The following TMEM117 variants were observed in gnomAD, a reference collection of about 807,000 sequenced individuals.
TMEM117 encodes transmembrane protein 117.
A neutral mutation model predicts 52.4 loss-of-function variants in TMEM117; 27 were observed. The observed-to-expected ratio is 0.51, with a 90% confidence interval of 0.38 to 0.71. TMEM117 has a LOEUF of 0.71. TMEM117 is among the 30% of genes least tolerant of loss of function. TMEM117 has a pLI of 0.00. For synonymous variants in TMEM117, 215 were observed against 206.3 expected, an observed-to-expected ratio of 1.04 and a Z score of -0.36; for missense variants, 556 against 630.5, an observed-to-expected ratio of 0.88 and a Z score of 1.26.
intron 3 of TMEM117, among the ~76,000 whole-genome samples, chr12:44,119,674 TAGG>T (rs920208450): frequency 3.3e-5 from 5 of 152,146 alleles, no homozygotes; most frequent in Admixed American, 3.3e-4. Flanking sequence ...GGGCTGTGTG[TAGG>T]AGCTTTAGCC....
At chr12:44,162,366 G>T (rs1456574170) in intron 4 of TMEM117, among the ~76,000 whole-genome samples, 1 of 152,026 alleles carries the variant, frequency 6.6e-6, no homozygotes, top group South Asian at 2.1e-4. Flanking sequence ...ATGCCCTCAG[G>T]GTGCATTTTC....
intron 6 of TMEM117, among the ~76,000 whole-genome samples, chr12:44,303,728 T>C (rs1950870717): frequency 1.3e-5 from 2 of 152,226 alleles, no homozygotes; most frequent in Admixed American, 1.3e-4. Context: ...TCTATTTCTT[T>C]GCATAAGTAT....
At chr12:44,090,356 T>A (rs1336344263) in intron 3 of TMEM117, among the ~76,000 whole-genome samples, 1 of 151,856 alleles carries the variant, frequency 6.6e-6, no homozygotes, top group Non-Finnish European at 1.5e-5. Flanking sequence ...GGTTTATTGT[T>A]CCTGTCTTTG....
chr12:44,022,648 T>TA (rs1318144090), intron 3 of TMEM117, among the ~76,000 whole-genome samples: 4 of 152,164 alleles, frequency 2.6e-5, no homozygotes, highest in Admixed American at 2.6e-4. Flanking sequence ...TATTCAGTTT[T>TA]AAAAAAGCCA....
At chr12:43,802,263 C>G in the TMEM117 span, 4 of 1,468,004 alleles carry the variant, frequency 2.7e-6, no homozygotes, top group Non-Finnish European at 3.6e-6. Context: ...TAATGTTAAA[C>G]AAACTATAAA....
At chr12:44,105,064 C>G (rs892557759) in intron 3 of TMEM117, among the ~76,000 whole-genome samples, 4 of 151,824 alleles carry the variant, frequency 2.6e-5, no homozygotes, top group Non-Finnish European at 5.9e-5. Flanking sequence ...TATATTTCTT[C>G]TGTTCCTTTC....
intron 2 of TMEM117, among the ~76,000 whole-genome samples, chr12:43,869,812 A>G (rs778915866): frequency 3.3e-5 from 5 of 152,164 alleles, no homozygotes; most frequent in Non-Finnish European, 4.4e-5. Flanking sequence ...AGGTTGTTAC[A>G]TTGGTAAATG....
intron 3 of TMEM117, among the ~76,000 whole-genome samples, chr12:43,951,071 C>T (rs888589972): frequency 5.9e-5 from 9 of 152,174 alleles, no homozygotes; most frequent in Admixed American, 2.0e-4. Flanking sequence ...GGGGACCTCC[C>T]TCCCCCAGCC....
intron 6 of TMEM117, among the ~76,000 whole-genome samples, chr12:44,350,427 G>T (rs539380754): frequency 6.6e-6 from 1 of 151,854 alleles, no homozygotes; most frequent in East Asian, 1.9e-4. Flanking sequence ...ATTTCAAAAG[G>T]TACAATTAAA....
chr12:44,355,933 G>T (rs1030714489), intron 6 of TMEM117, among the ~76,000 whole-genome samples: 1 of 152,056 alleles, frequency 6.6e-6, no homozygotes, highest in East Asian at 1.9e-4. Context: ...CATAAAGATT[G>T]GTGGCTAACT....
At chr12:43,884,840 C>T (rs1943961997) in intron 2 of TMEM117, among the ~76,000 whole-genome samples, 1 of 152,174 alleles carries the variant, frequency 6.6e-6, no homozygotes. Flanking sequence ...CAAGTTAGCA[C>T]ACTGCATTCT....
chr12:44,121,815 C>G lies in TMEM117; in HGVS notation c.411-21710C>G, dbSNP rs991087210. Among the ~76,000 whole-genome samples the G allele has an allele frequency of 7.1e-4, 108 of 152,154 alleles. 1 individual carries two copies. Among genetic ancestry groups the G allele is most frequent in the African/African-American group, 2.4e-3 (100 of 41,528 alleles). On this transcript the variant is annotated intron_variant, in intron 3 of 7. Coordinates refer to ENST00000266534, the MANE Select transcript of TMEM117 (RefSeq NM_032256.3). ...GTTATTTTATCACCCAGGTAATAAG[C>G]ATAGTACCCGATAGTAATTTTTTTA...
chr12:44,349,249 G>A (rs1469383862), intron 6 of TMEM117, among the ~76,000 whole-genome samples: 1 of 151,924 alleles, frequency 6.6e-6, no homozygotes, highest in Admixed American at 6.6e-5. Context: ...TCTGTGAAAG[G>A]TAACAGCTAA....
At chr12:44,387,657 T>C (rs1170236925) in intron 7 of TMEM117, among the ~76,000 whole-genome samples, 1 of 152,170 alleles carries the variant, frequency 6.6e-6, no homozygotes, top group Non-Finnish European at 1.5e-5. Context: ...ATTGAACTTT[T>C]CTAAGAATTT....
intron 3 of TMEM117, among the ~76,000 whole-genome samples, chr12:43,989,472 C>G (rs1021966755): frequency 6.6e-6 from 1 of 151,974 alleles, no homozygotes; most frequent in Non-Finnish European, 1.5e-5. Flanking sequence ...TCTTATTCTA[C>G]ATTCTATAAT....
At chr12:44,008,752 G>C in intron 3 of TMEM117, 1 of 418,038 alleles carries the variant, frequency 2.4e-6, no homozygotes, top group Non-Finnish European at 4.7e-6. Flanking sequence ...GGGTTCTCTG[G>C]TGTTTAATAA....
At chr12:44,175,671 A>C (rs564635386) in intron 4 of TMEM117, among the ~76,000 whole-genome samples, 2 of 152,284 alleles carry the variant, frequency 1.3e-5, no homozygotes, top group Admixed American at 1.3e-4. Flanking sequence ...ACCACCATTT[A>C]GTTATTTATT....
chr12:44,144,925 A>T (rs1284280931), intron 4 of TMEM117, among the ~76,000 whole-genome samples: 7 of 152,194 alleles, frequency 4.6e-5, no homozygotes, highest in Non-Finnish European at 8.8e-5. Flanking sequence ...TGGGAGGCCG[A>T]GGCGGGCGGA....
intron 3 of TMEM117, among the ~76,000 whole-genome samples, chr12:44,003,913 G>A (rs1946154276): frequency 6.6e-6 from 1 of 152,192 alleles, no homozygotes; most frequent in South Asian, 2.1e-4. Flanking sequence ...CTGTGTCAGA[G>A]GGCTGAAAGG....
Sources: gnomAD v4.1 joint callset for allele counts (sites outside exome capture counted in the v4.1 genomes callset) on GRCh38, gnomAD v4.1.1 for gene constraint, MANE v1.5 for transcripts, NCBI Gene and HGNC (gene_info 2026-07-23, HGNC 2026-07-21) for gene names.